TARS3: variants seen among roughly 807,000 people sequenced by gnomAD.
TARS3 encodes the protein threonyl-tRNA synthetase 3.
Under a neutral mutation model 103.5 loss-of-function variants are expected in TARS3, and 94 were observed. That is an observed-to-expected ratio of 0.91 (90% CI 0.77 to 1.08). The LOEUF is 1.08. Among genes scored for constraint, TARS3 ranks in the 50% least tolerant of loss-of-function variants. The probability of loss-of-function intolerance (pLI) is 0.00; values close to 1 mark genes in which losing one functional copy is unlikely to be tolerated. For synonymous variants in TARS3, 416 were observed against 355.4 expected (o/e 1.17, Z -1.92); for missense variants, 952 against 995.2 (o/e 0.96, Z 0.58).
chr15:101,705,881 G>C (rs1899533842), intron 6 of TARS3, 134 bp from the exon 7 acceptor site: 6 of 756,632 alleles, frequency 7.9e-6, no homozygotes, highest in South Asian at 4.9e-5. Context: ...GATACAAAGA[G>C]CTCACAGCCT....
At chr15:101,697,202 C>A (rs1421648507) in intron 10 of TARS3, among the ~76,000 whole-genome samples, 4 of 152,182 alleles carry the variant, frequency 2.6e-5, no homozygotes, top group Non-Finnish European at 5.9e-5. Context: ...AGGCTGCAAC[C>A]CCTCAGAAGA....
intron 15 of TARS3, among the ~76,000 whole-genome samples, chr15:101,662,398 C>T (rs1897416457): frequency 6.6e-6 from 1 of 152,170 alleles, no homozygotes; most frequent in Non-Finnish European, 1.5e-5. Context: ...TGACATGCGA[C>T]ACTTACAAAG....
chr15:101,684,038 T>C (rs1898361774), intron 12 of TARS3, 37 bp downstream of exon 12: 2 of 1,589,556 alleles, frequency 1.3e-6, no homozygotes, highest in Non-Finnish European at 1.7e-6. Flanking sequence ...CACACTCAAT[T>C]TGTGACCACA....
chr15:101,723,220 TAAG>T (rs1900580495), intron 1 of TARS3, 56 bp from the exon 2 acceptor site: 5 of 1,518,910 alleles, frequency 3.3e-6, no homozygotes, highest in Non-Finnish European at 3.7e-6. Context: ...CAACACATTT[TAAG>T]AAGAGAGTCA....
At position 101,703,850 on chromosome 15, in the gene TARS3, A is replaced by T. The variant is rs188636014; in HGVS notation, c.1074+9T>A. The T allele has an allele frequency of 4.3e-5, 68 of 1,599,468 alleles. No homozygotes were observed. The highest frequency in any genetic ancestry group is 4.2e-4 in the Admixed American group (25 of 59,638). ...AAGTTTACTGTATTAAAAAAAAATC[A>T]ATCCTTACCTTAAAAATTTTGATGG... is the stretch of plus-strand genomic sequence containing the variant. On this transcript the variant is annotated intron_variant, in intron 8 of 18. Transcript: ENST00000335968.
intron 10 of TARS3, among the ~76,000 whole-genome samples, chr15:101,700,728 C>G (rs1198919300): frequency 6.6e-6 from 1 of 151,688 alleles, no homozygotes; most frequent in Non-Finnish European, 1.5e-5. Context: ...ACTGCAAACT[C>G]TGCCTCCCGG....
intron 15 of TARS3, 108 bp from the exon 16 acceptor site, chr15:101,661,924 C>T (rs993082663): frequency 7.2e-6 from 4 of 558,110 alleles, no homozygotes; most frequent in Non-Finnish European, 5.9e-6. Flanking sequence ...TATCAGATCT[C>T]TCCATTAACC....
chr15:101,700,566 A>G (rs62027617), intron 10 of TARS3, among the ~76,000 whole-genome samples: 25,182 of 152,150 alleles, frequency 0.17, 2,367 homozygotes, highest in Non-Finnish European at 0.21. Context: ...AGTGAATTTT[A>G]TGAAATCCAG....
chr15:101,686,337 AATAT>A (rs1292383650), intron 10 of TARS3, among the ~76,000 whole-genome samples: 1 of 152,192 alleles, frequency 6.6e-6, no homozygotes, highest in Non-Finnish European at 1.5e-5. Context: ...ATTGAAATAC[AATAT>A]ATATAGAAAC....
Position 101,684,180 on chromosome 15 carries a change from A to C in TARS3, c.1545T>G (p.Asp515Glu), listed in dbSNP as rs1274397207. 1 of 1,614,084 alleles carries C rather than the reference A, an allele frequency of 6.2e-7. No homozygotes were observed. Among genetic ancestry groups the C allele is most frequent in the South Asian group, 1.1e-5 (1 of 91,072 alleles). Residue 515 changes from aspartate (D) to glutamate (E), a missense_variant, in exon 12 of 19, where the codon GAT (aspartate) becomes GAG (glutamate). Coordinates refer to ENST00000335968, the MANE Select transcript of TARS3 (RefSeq NM_152334.3). The part of the protein sequence containing the change: ...SWREMPIRFA[D>E]FGVLHRNELS... ...GTTCATTTCTATGCAGAACTCCAAA[A>C]TCAGCAAATCTAATAGGCATTTCCC...
intron 10 of TARS3, among the ~76,000 whole-genome samples, chr15:101,698,814 T>G (rs1899111011): frequency 6.6e-6 from 1 of 152,214 alleles, no homozygotes; most frequent in African/African-American, 2.4e-5. Context: ...ATGTAGTAAT[T>G]AGATGAGCCT....
At chr15:101,679,137 T>C (rs1438324756) in intron 12 of TARS3, among the ~76,000 whole-genome samples, 1 of 152,188 alleles carries the variant, frequency 6.6e-6, no homozygotes, top group African/African-American at 2.4e-5. Flanking sequence ...TTCTTGGAGT[T>C]TATCCTGAAC....
Position 101,686,012 on chromosome 15 carries a change from G to T in TARS3, c.1371C>A (p.Tyr457Ter), listed in dbSNP as rs1237684576. 2 of 1,613,556 alleles carry T rather than the reference G, an allele frequency of 1.2e-6. No individual in the cohort carries two copies. Among genetic ancestry groups the T allele is most frequent in the African/African-American group, 2.7e-5 (2 of 74,904 alleles). The change falls in exon 11 of 19, where the codon TAC becomes TAA. Residue 457 changes from tyrosine (Y) to a stop codon, truncating the protein, a stop_gained. Coordinates refer to ENST00000335968, the MANE Select transcript of TARS3 (RefSeq NM_152334.3). LOFTEE classifies it high-confidence loss of function. ...CTGAGGCTTCCCAGAGTTTACTGTT[G>T]TACATATTGGGAGAGAGCACCTCCG... Reference protein sequence around the residue: ...DFTEVLSPNMYNSKLWEASGH... With the variant: ...DFTEVLSPNM
intron 3 of TARS3, among the ~76,000 whole-genome samples, chr15:101,717,087 C>A (rs1177593467): frequency 2.0e-5 from 3 of 152,134 alleles, no homozygotes; most frequent in African/African-American, 7.2e-5. Context: ...AAACTCCTGA[C>A]CCCAAGTGAT....
chr15:101,671,692 A>G lies in TARS3; in HGVS notation c.1845T>C (p.Asp615=), dbSNP rs1320886390. ...FGEPWKMNPG[D]GAFYGPKIDI... ...TCACTTTAGGGCCATAAAATGCTCC[A>G]TCTCCTGGGTTCATTTTCCACGGTT... Residue 615 remains aspartate, a synonymous_variant, in exon 14 of 19, where the codon GAT becomes GAC. Transcript: ENST00000335968. 3.1e-6 allele frequency: 5 copies of G among 1,614,014 alleles called. No individual in the cohort carries two copies. The Admixed American group carries it at 8.3e-5, about 27-fold the overall frequency.
chr15:101,702,132 G>GAGA (rs766474311), intron 9 of TARS3, 107 bp downstream of exon 9: 20 of 1,377,696 alleles, frequency 1.5e-5, no homozygotes, highest in Non-Finnish European at 2.0e-5. Flanking sequence ...CAAAATAGGA[G>GAGA]AGAAGAAGAA....
At chr15:101,721,986 T>G (rs984212022) in intron 2 of TARS3, among the ~76,000 whole-genome samples, 1 of 152,252 alleles carries the variant, frequency 6.6e-6, no homozygotes, top group Admixed American at 6.5e-5. Context: ...CTAAGTGTTC[T>G]GAGCACTTTT....
At position 101,699,202 on chromosome 15, in the gene TARS3, G is replaced by GT. The variant is rs1385393312; in HGVS notation, c.1320+1883dup. The GT allele has an allele frequency of 1.2e-5, 3 of 259,144 alleles. No homozygotes were observed. In the Admixed American group the frequency reaches 1.5e-4, roughly 13 times the overall value. 16.1% of individuals were successfully genotyped at this position (259,144 alleles called of 1,614,324 possible). A position where few individuals can be genotyped will look rare whatever the true frequency, so the allele number is the denominator to read the frequency against. On this transcript the variant is annotated intron_variant, in intron 10 of 18. Transcript: ENST00000335968. The stretch of plus-strand genomic sequence containing the variant: ...AAAAAACAGCTGAGTTCTCCAAAAG[G>GT]TTTTTTTCATGGTAAGGCCAATTCC...
At chr15:101,690,101 C>T (rs942536432) in intron 10 of TARS3, among the ~76,000 whole-genome samples, 1 of 152,160 alleles carries the variant, frequency 6.6e-6, no homozygotes, top group Non-Finnish European at 1.5e-5. Context: ...TGGGAGGAAA[C>T]CAATGTCCTC....
Sources: allele counts gnomAD v4.1 joint callset (sites outside exome capture counted in the v4.1 genomes callset), GRCh38; gene constraint gnomAD v4.1.1; transcripts MANE v1.5; gene names NCBI Gene and HGNC (gene_info 2026-07-23, HGNC 2026-07-21).